ZFP64: variants seen among roughly 807,000 people sequenced by gnomAD.
ZFP64 encodes zinc finger protein 64.
In ZFP64, 14 loss-of-function variants were observed where a neutral mutation model predicts 51.6. The observed-to-expected ratio is 0.27, with a 90% CI of 0.18 to 0.42. The LOEUF (loss-of-function observed/expected upper bound fraction) is 0.42. Among genes scored for constraint, ZFP64 ranks in the 10% least tolerant of loss-of-function variants. The pLI, the probability that ZFP64 is intolerant of heterozygous loss-of-function variation, is 1.00. For synonymous variants in ZFP64, 375 were observed against 361.4 expected (o/e 1.04, Z -0.43); for missense variants, 754 against 906.8 (o/e 0.83, Z 2.16).
rs961382004 is a variant in ZFP64 at position 52,191,031 on chromosome 20, C to T, written c.46+560G>A. On this transcript the variant is annotated intron_variant, in intron 1 of 5. Coordinates refer to ENST00000216923, the MANE Select transcript of ZFP64 (RefSeq NM_018197.3). The surrounding 1 kb of genome is among the most constrained non-coding windows in gnomAD (Gnocchi z 4.3). ...CAGGGACTTGAAAAACGCTGATGTC[C>T]TCCTCGGTTAAATAAAAACTGAACC... 1.3e-5 allele frequency among the ~76,000 whole-genome samples: 2 copies of T among 152,110 alleles called. No individual in the cohort carries two copies. The highest frequency in any genetic ancestry group is 6.6e-5 in the Admixed American group (1 of 15,262).
chr20:52,089,280 A>G (rs182539137), intron 7 of ZFP64, among the ~76,000 whole-genome samples: 1 of 152,324 alleles, frequency 6.6e-6, no homozygotes, highest in East Asian at 1.9e-4. Context: ...CAAGTCAAGA[A>G]CTTAGTTACT....
chr20:52,134,481 G>T (rs897265688), intron 5 of ZFP64, among the ~76,000 whole-genome samples: 2 of 152,220 alleles, frequency 1.3e-5, no homozygotes, highest in African/African-American at 4.8e-5. Context: ...AAGTGTCATT[G>T]TGACTTAAGC....
At chr20:52,114,999 C>A (rs908660054) in intron 5 of ZFP64, among the ~76,000 whole-genome samples, 30 of 152,120 alleles carry the variant, frequency 2.0e-4, no homozygotes, top group African/African-American at 7.0e-4. Flanking sequence ...AGATCAAGAC[C>A]ATCCTGGCTA....
intron 5 of ZFP64, among the ~76,000 whole-genome samples, chr20:52,135,099 A>G (rs1319357064): frequency 6.6e-6 from 1 of 152,098 alleles, no homozygotes; most frequent in East Asian, 1.9e-4. Flanking sequence ...CCTGACCTCA[A>G]GTGATCTGTC....
intron 4 of ZFP64, among the ~76,000 whole-genome samples, chr20:52,162,370 T>C (rs1981883555): frequency 6.6e-6 from 1 of 151,704 alleles, no homozygotes; most frequent in Non-Finnish European, 1.5e-5. Flanking sequence ...CTCACATCTG[T>C]AATCCCAGCA....
chr20:52,167,411 T>C (rs1428562301), intron 2 of ZFP64, among the ~76,000 whole-genome samples: 1 of 127,656 alleles, frequency 7.8e-6, no homozygotes, highest in Non-Finnish European at 1.7e-5. Context: ...TTTTTTGTTG[T>C]AAAAAATTAA....
chr20:52,191,615 C>T lies in ZFP64; in HGVS notation c.22G>A (p.Glu8Lys). The T allele has an allele frequency of 5.7e-6, 9 of 1,589,664 alleles. No individual in the cohort carries two copies. Among genetic ancestry groups the T allele is most frequent in the Non-Finnish European group, 7.7e-6 (9 of 1,170,760 alleles). Residue 8 changes from glutamate to lysine, a missense_variant, in exon 1 of 6, where the codon GAG (glutamate) becomes AAG (lysine). By Grantham distance (56) the Glu-to-Lys change is moderately conservative. This residue lies in a region of ZFP64 where 95 missense variants were observed against 97.7 expected (regional missense o/e 0.97). Coordinates refer to ENST00000216923, the MANE Select transcript of ZFP64 (RefSeq NM_018197.3). This position sits in a 1 kb window ranked among gnomAD's most constrained non-coding sequence, Gnocchi z 4.3. The stretch of plus-strand genomic sequence containing the variant: ...CTTTGCACCGAGCCCGCGAAGCTCT[C>T]GCCCTCGCTGCTCGCGTTCATGGCC... MNASSEGESFAGSVQIPG... is the reference protein window; with the variant it reads MNASSEGKSFAGSVQIPG...
chr20:52,143,748 CT>C (rs1475926217), intron 5 of ZFP64, among the ~76,000 whole-genome samples: 1 of 141,924 alleles, frequency 7.0e-6, no homozygotes, highest in Non-Finnish European at 1.6e-5. Flanking sequence ...AGGGTCTCCC[CT>C]ATGCTGCTCA....
chr20:52,088,431 T>C, exon 8 of ZFP64: 4 of 1,614,106 alleles, frequency 2.5e-6, no homozygotes, highest in Non-Finnish European at 2.5e-6. Context: ...TGGCTGGAGT[T>C]GCGGCTGGCA....
intron 5 of ZFP64, chr20:52,110,942 A>C: frequency 6.4e-7 from 1 of 1,561,372 alleles, no homozygotes; most frequent in South Asian, 1.1e-5. Flanking sequence ...CCGTAGCGGT[A>C]CTGGGTGTTG....
chr20:52,163,332 G>C (rs1182042838), intron 4 of ZFP64, among the ~76,000 whole-genome samples: 1 of 152,154 alleles, frequency 6.6e-6, no homozygotes, highest in Non-Finnish European at 1.5e-5. Context: ...TTGCACTCCA[G>C]CCTGGGCAAC....
At chr20:52,105,050 G>A (rs911176326) in intron 5 of ZFP64, 7 of 1,384,422 alleles carry the variant, frequency 5.1e-6, no homozygotes, top group Non-Finnish European at 6.6e-6. Flanking sequence ...TCCCCTGCCC[G>A]GTCCTCGTAC....
chr20:52,187,474 T>A (rs1330167166), intron 1 of ZFP64, among the ~76,000 whole-genome samples: 1 of 151,348 alleles, frequency 6.6e-6, no homozygotes, highest in Non-Finnish European at 1.5e-5. Context: ...ATACAAAAAT[T>A]AGCTGGGCAT....
intron 5 of ZFP64, among the ~76,000 whole-genome samples, chr20:52,107,835 G>T (rs906544711): frequency 1.3e-5 from 2 of 152,206 alleles, no homozygotes; most frequent in Admixed American, 6.5e-5. Context: ...TTTCTAAAAA[G>T]TGTCAGAGTT....
intron 2 of ZFP64, among the ~76,000 whole-genome samples, chr20:52,177,632 G>A (rs1983325142): frequency 6.6e-6 from 1 of 152,152 alleles, no homozygotes; most frequent in Non-Finnish European, 1.5e-5. Context: ...GGAGGAAGAC[G>A]GAAAGAACTC....
At chr20:52,118,971 C>T (rs929589863) in intron 5 of ZFP64, among the ~76,000 whole-genome samples, 12 of 152,154 alleles carry the variant, frequency 7.9e-5, no homozygotes, top group Non-Finnish European at 1.0e-4. Flanking sequence ...AGTGAAACCC[C>T]GTCTCTACAA....
chr20:52,156,119 C>T (rs1402262943), intron 5 of ZFP64, among the ~76,000 whole-genome samples: 1 of 152,200 alleles, frequency 6.6e-6, no homozygotes, highest in Non-Finnish European at 1.5e-5. Flanking sequence ...TTCAGCTTCT[C>T]TAACTTAGGC....
intron 5 of ZFP64, among the ~76,000 whole-genome samples, chr20:52,101,940 C>CAAAAAAAA (rs1190342919): frequency 2.6e-5 from 2 of 77,688 alleles, no homozygotes; most frequent in Non-Finnish European, 5.2e-5. Context: ...CTAAAAATAC[C>CAAAAAAAA]AAAAAAAAAA....
intron 5 of ZFP64, among the ~76,000 whole-genome samples, chr20:52,114,902 G>A (rs1311676546): frequency 6.6e-6 from 1 of 152,102 alleles, no homozygotes; most frequent in Admixed American, 6.6e-5. Flanking sequence ...GCCAGATCAT[G>A]AAATACCAGG....
Sources: allele counts gnomAD v4.1 joint callset (sites outside exome capture counted in the v4.1 genomes callset), GRCh38; gene constraint gnomAD v4.1.1; regional missense constraint gnomAD v4.1.1; non-coding constraint Gnocchi (gnomAD v3.1); transcripts MANE v1.5; gene names NCBI Gene and HGNC (gene_info 2026-07-23, HGNC 2026-07-21).